Variants in CHD1 observed in about 807,000 individuals in gnomAD.
The protein encoded by CHD1 is ATP-dependent chromatin remodeler CHD1.
In CHD1, 36 loss-of-function variants were observed where a neutral mutation model predicts 224.2. The ratio of observed to expected loss-of-function variants is 0.16; its 90% CI spans 0.12 to 0.21. The LOEUF is 0.21. CHD1 is among the 10% of genes least tolerant of loss of function. The pLI is 1.00. For missense variants in CHD1, 1,378 were observed against 1,994.8 expected (o/e 0.69, Z 5.89); for synonymous variants, 668 against 658.3 (o/e 1.01, Z -0.23).
intron 3 of CHD1, among the ~76,000 whole-genome samples, chr5:98,904,381 G>T (rs1033252967): frequency 3.9e-5 from 6 of 152,186 alleles, no homozygotes; most frequent in Non-Finnish European, 8.8e-5. Flanking sequence ...GGTACTCTGA[G>T]TAACACTGTA....
chr5:98,915,797 G>A (rs1474164570), intron 2 of CHD1, among the ~76,000 whole-genome samples: 1 of 152,048 alleles, frequency 6.6e-6, no homozygotes, highest in Non-Finnish European at 1.5e-5. Context: ...GAAGCTATAT[G>A]GTGTGTACAT....
At chr5:98,868,335 A>G (rs1351199343) in intron 31 of CHD1, among the ~76,000 whole-genome samples, 160 bp downstream of exon 31, 5 of 151,732 alleles carry the variant, frequency 3.3e-5, no homozygotes, top group African/African-American at 1.2e-4. Flanking sequence ...AAAAAAGAAA[A>G]AAAAAAAAAA....
chr5:98,911,146 A>AAAAATATATATATATATATATATAT (rs1491111295), intron 2 of CHD1, among the ~76,000 whole-genome samples: 1 of 39,132 alleles, frequency 2.6e-5, no homozygotes, highest in African/African-American at 1.2e-4. Flanking sequence ...AAAAAAAAAA[A>AAAAATATATATATATATATATATAT]ATATATATAT....
At position 98,928,291 on chromosome 5, in the gene CHD1, A is replaced by T. The variant is rs6873448; in HGVS notation, c.-149+248T>A. On this transcript the variant is annotated intron_variant, in intron 1 of 35. Transcript: ENST00000614616. ...CTCCTCTCGCGGCCCGGTCGGCACC[A>T]AGCCGAAGAGGCCGGGGCAGGGCCG... Among the ~76,000 whole-genome samples, 787 of 151,950 alleles carry T rather than the reference A, an allele frequency of 5.2e-3. 9 individuals carry two copies. The highest frequency in any genetic ancestry group is 0.018 in the African/African-American group (757 of 41,476).
Position 98,856,613 on chromosome 5 carries a change from G to A in CHD1, c.4900C>T (p.His1634Tyr). 3.1e-6 allele frequency: 5 copies of A among 1,613,164 alleles called. No homozygotes were observed. Among genetic ancestry groups the A allele is most frequent in the East Asian group, 4.5e-5 (2 of 44,876 alleles). The change falls in exon 36 of 36, where the codon CAC (histidine) becomes TAC (tyrosine). Residue 1634 changes from histidine (H) to tyrosine (Y), a missense_variant. His to Tyr is a moderately conservative substitution (Grantham distance 83). This residue lies in a region of CHD1 where 278 missense variants were observed against 298.5 expected (regional missense o/e 0.93). Transcript: ENST00000614616. ...TCTGAATGTAACCGATGATCTGAGT[G>A]AGAACGATGATCAGAATGAGATCTA... ...KDRSHSDHRS[H>Y]SDHRLHSDHR...
At chr5:98,928,309 C>A (rs1038173619) in intron 1 of CHD1, among the ~76,000 whole-genome samples, 12 of 152,102 alleles carry the variant, frequency 7.9e-5, no homozygotes, top group Non-Finnish European at 1.5e-4. Flanking sequence ...GAGGCCGGGG[C>A]AGGGCCGCCG....
intron 24 of CHD1, 37 bp from the exon 25 acceptor site, chr5:98,875,150 A>G (rs919546422): frequency 1.1e-5 from 13 of 1,210,694 alleles, no homozygotes; most frequent in Non-Finnish European, 1.6e-5. Context: ...TGTGAGCTTC[A>G]GTATTCACTA....
At chr5:98,885,028 A>AAT (rs1750549170) in intron 18 of CHD1, among the ~76,000 whole-genome samples, 1 of 152,014 alleles carries the variant, frequency 6.6e-6, no homozygotes, top group South Asian at 2.1e-4. Flanking sequence ...TACTGTGCCC[A>AAT]ATCTGGCTAA....
At chr5:98,861,901 C>T (rs1245168767) in intron 32 of CHD1, among the ~76,000 whole-genome samples, 2 of 151,768 alleles carry the variant, frequency 1.3e-5, no homozygotes, top group Admixed American at 1.3e-4. Flanking sequence ...AAAAAAAATT[C>T]CCCCCAGCAC....
At chr5:98,877,009 A>G (rs1749811063) in intron 23 of CHD1, among the ~76,000 whole-genome samples, 1 of 152,176 alleles carries the variant, frequency 6.6e-6, no homozygotes. Context: ...TCTCTACCAA[A>G]AATTTAAAAT....
chr5:98,871,653 T>TA (rs1215028563), intron 28 of CHD1, among the ~76,000 whole-genome samples: 1 of 152,066 alleles, frequency 6.6e-6, no homozygotes, highest in Non-Finnish European at 1.5e-5. Context: ...TTCCTAAAGA[T>TA]AAATATTTAA....
Position 98,901,004 on chromosome 5 carries a change from TTCA to T in CHD1, c.663_665del (p.Asp221del). 6.2e-7 allele frequency: 1 copy of T among 1,613,886 alleles called. No individual in the cohort carries two copies. Among genetic ancestry groups the T allele is most frequent in the Non-Finnish European group, 8.5e-7 (1 of 1,179,844 alleles). ...TTCTTTTATCATTATCATAATCTTC[TTCA>T]TCATCATCCTCCTCAGATGAATCAA... On this transcript the variant is annotated inframe_deletion, in exon 7 of 36. Transcript: ENST00000614616.
chr5:98,897,748 T>C (rs757098896), intron 10 of CHD1, among the ~76,000 whole-genome samples: 12 of 152,156 alleles, frequency 7.9e-5, no homozygotes, highest in Non-Finnish European at 1.6e-4. Context: ...TAGTAGTCCA[T>C]AGATCTCAAC....
chr5:98,881,444 T>C lies in CHD1; in HGVS notation c.2868-69A>G, dbSNP rs562380071. Reference sequence around the variant, plus strand: ...ATATAACAGTTACACAGCACTTTTATTAATTACTGACATTTTCACCTTTAC... The same window carrying C: ...ATATAACAGTTACACAGCACTTTTACTAATTACTGACATTTTCACCTTTAC... On this transcript the variant is annotated intron_variant, in intron 20 of 35. Coordinates refer to ENST00000614616, the MANE Select transcript of CHD1 (RefSeq NM_001270.4). 4.0e-4 allele frequency: 276 copies of C among 692,994 alleles called. No individual in the cohort carries two copies. The African/African-American group carries it at 4.3e-3, about 11-fold the overall frequency. 42.9% of individuals were successfully genotyped at this position (692,994 alleles called of 1,614,324 possible).
chr5:98,861,900 T>TC (rs1014465700), intron 32 of CHD1, among the ~76,000 whole-genome samples: 4 of 151,766 alleles, frequency 2.6e-5, no homozygotes, highest in African/African-American at 9.7e-5. Flanking sequence ...AAAAAAAAAT[T>TC]CCCCCCAGCA....
chr5:98,889,178 G>C lies in CHD1; in HGVS notation c.2241C>G (p.Gly747=). The C allele has an allele frequency of 6.2e-7, 1 of 1,610,652 alleles. No homozygotes were observed. Among genetic ancestry groups the C allele is most frequent in the Non-Finnish European group, 8.5e-7 (1 of 1,177,534 alleles). ...TTAGCTCCATCATAATGTTCAAAAA[G>C]CCTGAGGTACTGCCCTTGGAACCTT... is the stretch of plus-strand genomic sequence containing the variant. ...LSKGSKGSTS[G]FLNIMMELKK... Residue 747 remains glycine, a synonymous_variant, in exon 16 of 36, where the codon GGC becomes GGG. Transcript: ENST00000614616.
At chr5:98,889,358 A>G (rs1750856206) in intron 15 of CHD1, 120 bp from the exon 16 acceptor site, 4 of 679,358 alleles carry the variant, frequency 5.9e-6, no homozygotes, top group Non-Finnish European at 9.6e-6. Context: ...GTACCGTTAT[A>G]AAATTCACAG....
At chr5:98,877,185 C>T (rs1311706905) in intron 23 of CHD1, among the ~76,000 whole-genome samples, 1 of 152,006 alleles carries the variant, frequency 6.6e-6, no homozygotes, top group Non-Finnish European at 1.5e-5. Flanking sequence ...AAACAAAAAG[C>T]AAATAATCTA....
intron 2 of CHD1, among the ~76,000 whole-genome samples, chr5:98,911,659 T>C (rs1752431255): frequency 6.6e-6 from 1 of 152,166 alleles, no homozygotes; most frequent in Non-Finnish European, 1.5e-5. Flanking sequence ...TGAAACACTT[T>C]AGAAGATATA....
Sources: gnomAD v4.1 joint callset for allele counts (sites outside exome capture counted in the v4.1 genomes callset) on GRCh38, gnomAD v4.1.1 for gene constraint, gnomAD v4.1.1 regional missense constraint, MANE v1.5 for transcripts, NCBI Gene and HGNC (gene_info 2026-07-23, HGNC 2026-07-21) for gene names.